AKIRIN2: variants seen among roughly 807,000 people sequenced by gnomAD.
The protein encoded by AKIRIN2 is akirin 2.
In AKIRIN2, 6 loss-of-function variants were observed where a neutral mutation model predicts 29.3. The ratio of observed to expected loss-of-function variants is 0.20; its 90% CI spans 0.11 to 0.40. The LOEUF (loss-of-function observed/expected upper bound fraction) is 0.40, where lower values mean the gene tolerates loss of function less well. AKIRIN2 is among the 10% of genes least tolerant of loss of function. The probability of loss-of-function intolerance (pLI) is 1.00; values close to 1 mark genes in which losing one functional copy is unlikely to be tolerated. For missense variants in AKIRIN2, 210 were observed against 276.1 expected (o/e 0.76, Z 1.70); for synonymous variants, 128 against 117.5 (o/e 1.09, Z -0.58).
intron 1 of AKIRIN2, among the ~76,000 whole-genome samples, chr6:87,689,030 C>T (rs568628432): frequency 1.3e-5 from 2 of 152,166 alleles, no homozygotes; most frequent in African/African-American, 4.8e-5. Flanking sequence ...CCTCCTCCTG[C>T]AGGGAAGATA....
chr6:87,695,241 A>T (rs2128302774), intron 1 of AKIRIN2, among the ~76,000 whole-genome samples: 1 of 152,338 alleles, frequency 6.6e-6, no homozygotes, highest in African/African-American at 2.4e-5. Flanking sequence ...GTTCCTCAGA[A>T]AAGTATTATT....
chr6:87,680,628 G>T (rs1409334368), intron 2 of AKIRIN2, among the ~76,000 whole-genome samples: 1 of 151,830 alleles, frequency 6.6e-6, no homozygotes, highest in Admixed American at 6.6e-5. Context: ...GAGAGAAAGC[G>T]TTGAACAAAG....
At chr6:87,689,562 A>T (rs893832898) in intron 1 of AKIRIN2, among the ~76,000 whole-genome samples, 1 of 152,232 alleles carries the variant, frequency 6.6e-6, no homozygotes, top group Non-Finnish European at 1.5e-5. Flanking sequence ...TGATTTTTTT[A>T]AAAACATGTT....
intron 2 of AKIRIN2, among the ~76,000 whole-genome samples, chr6:87,678,377 C>T (rs542903137): frequency 4.8e-4 from 73 of 152,142 alleles, no homozygotes; most frequent in African/African-American, 1.7e-3. Flanking sequence ...TGGCGGGCAC[C>T]TGTAATCCCA....
Position 87,701,484 on chromosome 6 carries a change from G to A in AKIRIN2, c.201C>T (p.Ser67=). 2 of 1,507,092 alleles carry A rather than the reference G, an allele frequency of 1.3e-6. No homozygotes were observed. The highest frequency in any genetic ancestry group is 2.5e-5 in the South Asian group (2 of 80,744). 93.4% of individuals were successfully genotyped at this position (1,507,092 alleles called of 1,614,324 possible). Residue 67 remains serine, a synonymous_variant, in exon 1 of 5, where the codon TCC becomes TCT. Coordinates refer to ENST00000257787, the MANE Select transcript of AKIRIN2 (RefSeq NM_018064.4). ...SPQKYLRMEP[S]PFGDVSSRLT... ...GGCGGGAGGAGACGTCGCCGAAGGG[G>A]GATGGCTCCATTCGGAGATACTTCT...
At chr6:87,680,027 T>A (rs373146717) in intron 2 of AKIRIN2, among the ~76,000 whole-genome samples, 11 of 152,346 alleles carry the variant, frequency 7.2e-5, no homozygotes, top group African/African-American at 2.6e-4. Context: ...CTTTATTCCA[T>A]AATTATCCAA....
At position 87,697,724 on chromosome 6, in the gene AKIRIN2, C is replaced by T. The variant is rs191895869; in HGVS notation, c.235+3726G>A. Among the ~76,000 whole-genome samples the T allele has an allele frequency of 1.1e-3, 174 of 152,288 alleles. 2 individuals carry two copies. The highest frequency in any genetic ancestry group is 4.1e-3 in the African/African-American group (171 of 41,554). On this transcript the variant is annotated intron_variant, in intron 1 of 4. Coordinates refer to ENST00000257787, the MANE Select transcript of AKIRIN2 (RefSeq NM_018064.4). The stretch of plus-strand genomic sequence containing the variant: ...TGAACAATCTATGTTCCTGTAAACC[C>T]TTCCCCATTCACAAGCTGCAGTTTC...
chr6:87,686,548 C>T (rs1036414920), intron 1 of AKIRIN2, among the ~76,000 whole-genome samples: 2 of 151,920 alleles, frequency 1.3e-5, no homozygotes, highest in African/African-American at 2.4e-5. Context: ...ACTTCTGCTC[C>T]AGACCCACAA....
chr6:87,683,961 T>C (rs1771152723), intron 1 of AKIRIN2, among the ~76,000 whole-genome samples: 1 of 152,208 alleles, frequency 6.6e-6, no homozygotes, highest in African/African-American at 2.4e-5. Flanking sequence ...CATTCTATTT[T>C]GCTGAGAGAG....
intron 2 of AKIRIN2, among the ~76,000 whole-genome samples, chr6:87,678,990 C>A (rs1184100011): frequency 6.6e-6 from 1 of 151,984 alleles, no homozygotes; most frequent in Non-Finnish European, 1.5e-5. Context: ...ACAAAATTAG[C>A]CAGGCGTGGT....
At chr6:87,676,419 A>T (rs2754253) in intron 3 of AKIRIN2, among the ~76,000 whole-genome samples, 39,618 of 127,672 alleles carry the variant, frequency 0.31, 7,055 homozygotes, top group African/African-American at 0.53. Context: ...TGAGCCAAGA[A>T]CGCGCCACTG....
intron 1 of AKIRIN2, among the ~76,000 whole-genome samples, chr6:87,695,095 T>G (rs528940049): frequency 6.6e-6 from 1 of 152,308 alleles, no homozygotes; most frequent in Admixed American, 6.5e-5. Flanking sequence ...GTGAAACCCT[T>G]TAAAATGTTT....
chr6:87,698,255 A>G (rs1771402264), intron 1 of AKIRIN2, among the ~76,000 whole-genome samples: 1 of 152,026 alleles, frequency 6.6e-6, no homozygotes, highest in Admixed American at 6.6e-5. Flanking sequence ...GACACCCCAC[A>G]TGAGGGTAAG....
Position 87,701,565 on chromosome 6 carries a change from C to G in AKIRIN2, c.120G>C (p.Pro40=). ...LSAPTSAAAS[P]LSAAAATAAS... The stretch of plus-strand genomic sequence containing the variant: ...CGGCGGTGGCCGCGGCCGCCGACAA[C>G]GGGGAGGCAGCGGCCGAGGTGGGCG... Residue 40 remains proline (P), a synonymous_variant, in exon 1 of 5, where the codon CCG becomes CCC. Coordinates refer to ENST00000257787, the MANE Select transcript of AKIRIN2 (RefSeq NM_018064.4). The G allele has an allele frequency of 7.1e-7, 1 of 1,413,586 alleles. No homozygotes were observed. The highest frequency in any genetic ancestry group is 3.0e-5 in the East Asian group (1 of 33,552). The allele number at this position is 1,413,586 out of a possible 1,614,324, so 87.6% of individuals were successfully genotyped here.
chr6:87,700,504 AC>A (rs773565351), intron 1 of AKIRIN2: 6 of 152,254 alleles, frequency 3.9e-5, no homozygotes, highest in Non-Finnish European at 7.3e-5. Context: ...CCAGGGGCAC[AC>A]AAGGATTTCA....
intron 2 of AKIRIN2, 79 bp downstream of exon 2, chr6:87,681,541 T>A: frequency 7.0e-7 from 1 of 1,418,442 alleles, no homozygotes. Flanking sequence ...TACAGTAGCT[T>A]AAATGACTAA....
At chr6:87,683,511 C>G (rs964601069) in intron 1 of AKIRIN2, among the ~76,000 whole-genome samples, 1 of 152,068 alleles carries the variant, frequency 6.6e-6, no homozygotes, top group African/African-American at 2.4e-5. Flanking sequence ...GGTAAGCATA[C>G]CTTGATATAA....
intron 1 of AKIRIN2, among the ~76,000 whole-genome samples, chr6:87,693,724 C>CAAA (rs34150167): frequency 0.025 from 2,539 of 101,080 alleles, 100 homozygotes; most frequent in African/African-American, 0.081. Flanking sequence ...GACTCTGTCT[C>CAAA]AAAAAAAAAA....
chr6:87,698,935 T>C (rs1299891937), intron 1 of AKIRIN2, among the ~76,000 whole-genome samples: 3 of 152,104 alleles, frequency 2.0e-5, no homozygotes, highest in African/African-American at 7.2e-5. Context: ...AGGAGAACAA[T>C]GATAAAATAA....
Sources: allele counts gnomAD v4.1 joint callset (sites outside exome capture counted in the v4.1 genomes callset), GRCh38; gene constraint gnomAD v4.1.1; transcripts MANE v1.5; gene names NCBI Gene and HGNC (gene_info 2026-07-23, HGNC 2026-07-21).